SH3BGRL2: variants seen among roughly 807,000 people sequenced by gnomAD.
SH3BGRL2 encodes SH3 domain binding glutamate rich protein like 2.
SH3BGRL2 carries 21 observed loss-of-function variants against 14.8 expected under a neutral mutation model. The observed-to-expected ratio is 1.42, with a 90% confidence interval of 1.01 to 2.05. The LOEUF (loss-of-function observed/expected upper bound fraction) is 2.05. Ranked by LOEUF, SH3BGRL2 falls within the 30% of genes most tolerant of loss-of-function variation. The pLI is 0.00. For synonymous variants in SH3BGRL2, 50 were observed against 47.8 expected (o/e 1.05, Z -0.19); for missense variants, 147 against 130.8 (o/e 1.12, Z -0.61).
chr6:79,641,190 G>A (rs926499376), intron 1 of SH3BGRL2, among the ~76,000 whole-genome samples: 1 of 132,600 alleles, frequency 7.5e-6, no homozygotes, highest in African/African-American at 2.8e-5. Context: ...GTGTGTGTGT[G>A]TGTGTGGTTT....
At chr6:79,652,797 C>T (rs189594604) in intron 1 of SH3BGRL2, among the ~76,000 whole-genome samples, 16 of 151,984 alleles carry the variant, frequency 1.1e-4, no homozygotes, top group Admixed American at 9.8e-4. Flanking sequence ...CACTATGTAA[C>T]GTTCTATATT....
the SH3BGRL2 span, chr6:79,561,576 ATAAAC>A: frequency 5.9e-5 from 9 of 152,360 alleles, no homozygotes; most frequent in Admixed American, 2.6e-4. Flanking sequence ...GTGCATCTAA[ATAAAC>A]TAAAATAAAG....
At chr6:79,675,570 C>T (rs1313551931) in intron 2 of SH3BGRL2, among the ~76,000 whole-genome samples, 1 of 151,918 alleles carries the variant, frequency 6.6e-6, no homozygotes. Flanking sequence ...TGTTCCCTTT[C>T]TCTTGAGTGC....
intron 2 of SH3BGRL2, among the ~76,000 whole-genome samples, chr6:79,674,635 G>A (rs1769844238): frequency 1.3e-5 from 2 of 152,144 alleles, no homozygotes; most frequent in African/African-American, 2.4e-5. Context: ...TTAGCGTGGA[G>A]GAAAGGAATA....
chr6:79,579,871 A>G, the SH3BGRL2 span, among the ~76,000 whole-genome samples: 1 of 152,252 alleles, frequency 6.6e-6, no homozygotes, highest in African/African-American at 2.4e-5. Flanking sequence ...GATAGAGTCA[A>G]GACTCATCAG....
At chr6:79,581,878 A>T in the SH3BGRL2 span, among the ~76,000 whole-genome samples, 2 of 152,230 alleles carry the variant, frequency 1.3e-5, no homozygotes, top group African/African-American at 2.4e-5. Flanking sequence ...TTGTATATTT[A>T]GAAAACCCCA....
the SH3BGRL2 span, among the ~76,000 whole-genome samples, chr6:79,579,325 G>T: frequency 6.6e-6 from 1 of 152,116 alleles, no homozygotes; most frequent in South Asian, 2.1e-4. Flanking sequence ...CTTGAGAAGA[G>T]CAACTCCAAG....
the SH3BGRL2 span, among the ~76,000 whole-genome samples, chr6:79,599,034 T>G: frequency 1.4e-5 from 2 of 147,860 alleles, no homozygotes; most frequent in African/African-American, 5.0e-5. Flanking sequence ...TGAGCCAAGA[T>G]TGCGCCATTG....
At chr6:79,580,817 C>T in the SH3BGRL2 span, among the ~76,000 whole-genome samples, 18 of 151,988 alleles carry the variant, frequency 1.2e-4, no homozygotes, top group Non-Finnish European at 4.4e-5. Context: ...GACAGAGACA[C>T]AAAAAAACCT....
At chr6:79,622,275 C>G in the SH3BGRL2 span, among the ~76,000 whole-genome samples, 1 of 152,238 alleles carries the variant, frequency 6.6e-6, no homozygotes, top group East Asian at 1.9e-4. Context: ...TTCATTTCCT[C>G]CAGCACCTCC....
chr6:79,545,253 T>A, the SH3BGRL2 span, among the ~76,000 whole-genome samples: 4 of 152,108 alleles, frequency 2.6e-5, no homozygotes, highest in African/African-American at 9.7e-5. Flanking sequence ...CCTGCAGGCC[T>A]GTTTGGGCAT....
chr6:79,593,006 A>G, the SH3BGRL2 span, among the ~76,000 whole-genome samples: 1 of 152,244 alleles, frequency 6.6e-6, no homozygotes, highest in Admixed American at 6.5e-5. Context: ...ATATTTACAA[A>G]TAGGTGAATT....
At chr6:79,649,616 G>C (rs990578712) in intron 1 of SH3BGRL2, among the ~76,000 whole-genome samples, 18 of 151,928 alleles carry the variant, frequency 1.2e-4, no homozygotes, top group Non-Finnish European at 2.5e-4. Flanking sequence ...CATCCTAGGA[G>C]CTGTTCTTTT....
chr6:79,589,275 A>G, the SH3BGRL2 span, among the ~76,000 whole-genome samples: 3 of 150,824 alleles, frequency 2.0e-5, no homozygotes, highest in African/African-American at 7.3e-5. Flanking sequence ...GAGGCCAACT[A>G]TAATTGATTC....
upstream of SH3BGRL2, among the ~76,000 whole-genome samples, chr6:79,631,102 C>T (rs1768812566): frequency 6.6e-6 from 1 of 152,190 alleles, no homozygotes. Context: ...GCCAACCCAC[C>T]TCACAGCTTC....
upstream of SH3BGRL2, among the ~76,000 whole-genome samples, chr6:79,627,277 G>A (rs777353302): frequency 1.6e-4 from 24 of 152,120 alleles, no homozygotes; most frequent in East Asian, 1.7e-3. Context: ...TGTATTTTCC[G>A]ACCTGGTCAC....
chr6:79,642,946 G>C (rs540774307), intron 1 of SH3BGRL2, among the ~76,000 whole-genome samples: 1 of 152,288 alleles, frequency 6.6e-6, no homozygotes, highest in South Asian at 2.1e-4. Flanking sequence ...GTAGATGATG[G>C]TAAAAGCAGT....
intron 1 of SH3BGRL2, among the ~76,000 whole-genome samples, chr6:79,662,066 T>C (rs971503599): frequency 1.3e-5 from 2 of 152,224 alleles, no homozygotes; most frequent in African/African-American, 4.8e-5. Flanking sequence ...GTCTCCTGAA[T>C]ACAGTACACT....
At chr6:79,636,923 T>C (rs1768935984) in intron 1 of SH3BGRL2, among the ~76,000 whole-genome samples, 1 of 152,198 alleles carries the variant, frequency 6.6e-6, no homozygotes, top group Non-Finnish European at 1.5e-5. Context: ...TATTTCCAAA[T>C]AAGGTCACAT....
Sources: gnomAD v4.1 joint callset for allele counts (sites outside exome capture counted in the v4.1 genomes callset) on GRCh38, gnomAD v4.1.1 for gene constraint, MANE v1.5 for transcripts, NCBI Gene and HGNC (gene_info 2026-07-23, HGNC 2026-07-21) for gene names.